Variants in AKAP6 observed in about 807,000 individuals in gnomAD.
The protein encoded by AKAP6 is A-kinase anchoring protein 6.
AKAP6 carries 58 observed loss-of-function variants against 188.5 expected under a neutral mutation model. The observed-to-expected ratio is 0.31, with a 90% CI of 0.25 to 0.38. The LOEUF (loss-of-function observed/expected upper bound fraction) is 0.38. Ranked by LOEUF, AKAP6 falls within the 10% of genes least tolerant of loss-of-function variation. AKAP6 has a pLI of 1.00. For synonymous variants in AKAP6, 989 were observed against 998.6 expected (o/e 0.99, Z 0.18); for missense variants, 2,710 against 2,740.0 (o/e 0.99, Z 0.24).
chr14:32,615,745 G>C (rs548356721), intron 7 of AKAP6, among the ~76,000 whole-genome samples: 2 of 151,736 alleles, frequency 1.3e-5, no homozygotes, highest in Admixed American at 1.3e-4. Flanking sequence ...ACAGGCGCCC[G>C]CCACCACACC....
intron 1 of AKAP6, among the ~76,000 whole-genome samples, chr14:32,343,247 G>GGAAGTATTACCTTCCTTGTCA (rs1361055414): frequency 6.6e-6 from 1 of 152,042 alleles, no homozygotes; most frequent in Non-Finnish European, 1.5e-5. Context: ...TCCTTGTCAA[G>GGAAGTATTACCTTCCTTGTCA]ACTTAGAAAC....
chr14:32,600,526 ATATT>A, intron 6 of AKAP6, 99 bp from the exon 7 acceptor site: 1 of 1,246,240 alleles, frequency 8.0e-7, no homozygotes, highest in South Asian at 1.9e-5. Context: ...TCATTTAAAA[ATATT>A]TATATTGTTT....
In AKAP6 at chr14:32,568,933, A is replaced by T. The variant is rs952246731; in HGVS notation, c.2347-8187A>T. 2.0e-5 allele frequency among the ~76,000 whole-genome samples: 3 copies of T among 152,238 alleles called. No individual in the cohort carries two copies. The highest frequency in any genetic ancestry group is 7.2e-5 in the African/African-American group (3 of 41,466). ...TGCATTCCAATCTTGTTTTGCCCTT[A>T]GAATGACTGATAATTTCTTTTTATA... On this transcript the variant is annotated intron_variant, in intron 4 of 13. Transcript: ENST00000280979. The surrounding 1 kb of genome is among the most constrained non-coding windows in gnomAD (Gnocchi z 6.2).
intron 2 of AKAP6, among the ~76,000 whole-genome samples, chr14:32,497,683 T>A (rs1224531253): frequency 6.6e-6 from 1 of 151,982 alleles, no homozygotes; most frequent in Non-Finnish European, 1.5e-5. Flanking sequence ...ATGCCCTTAG[T>A]GATTTTATAT....
chr14:32,576,696 A>T lies in AKAP6; in HGVS notation c.2347-424A>T, dbSNP rs893842549. ...TCCACAGGCTTCTGGGTGAAGAACA[A>T]CATCTTTACAGGAATGCCAATCCCT... On this transcript the variant is annotated intron_variant, in intron 4 of 13. Coordinates refer to ENST00000280979, the MANE Select transcript of AKAP6 (RefSeq NM_004274.5). Among the ~76,000 whole-genome samples, 4 of 152,136 alleles carry T rather than the reference A, an allele frequency of 2.6e-5. No individual in the cohort carries two copies. In the South Asian group the frequency reaches 8.3e-4, roughly 32 times the overall value.
chr14:32,655,401 A>T (rs1407351872), intron 7 of AKAP6, among the ~76,000 whole-genome samples: 1 of 152,164 alleles, frequency 6.6e-6, no homozygotes, highest in African/African-American at 2.4e-5. Context: ...TCTCTTAGTA[A>T]ATCTTTTTAA....
intron 12 of AKAP6, among the ~76,000 whole-genome samples, chr14:32,815,854 A>C (rs1376007350): frequency 6.6e-6 from 1 of 152,160 alleles, no homozygotes; most frequent in Non-Finnish European, 1.5e-5. Flanking sequence ...AGGCAGATAC[A>C]ATGTACTGTA....
rs935266779 is a variant in AKAP6 at position 32,539,059 on chromosome 14, T to C, written c.576+3254T>C. On this transcript the variant is annotated intron_variant, in intron 3 of 13. Transcript: ENST00000280979. ...AAGACTCTATGCATTCAAAGGTGAATAACACATGTTAGAAATGACCTTCAT... is the reference window on the plus strand; with the variant it reads ...AAGACTCTATGCATTCAAAGGTGAACAACACATGTTAGAAATGACCTTCAT... 3.3e-5 allele frequency among the ~76,000 whole-genome samples: 5 copies of C among 152,294 alleles called. No homozygotes were observed. The South Asian group carries it at 6.2e-4, about 19-fold the overall frequency.
At chr14:32,539,152 G>A (rs76099587) in intron 3 of AKAP6, among the ~76,000 whole-genome samples, 1 of 152,100 alleles carries the variant, frequency 6.6e-6, no homozygotes, top group South Asian at 2.1e-4. Context: ...CAATTTACAG[G>A]TATTATGATT....
intron 1 of AKAP6, among the ~76,000 whole-genome samples, chr14:32,371,434 AAAC>A (rs1566469522): frequency 6.6e-6 from 1 of 152,188 alleles, no homozygotes; most frequent in Non-Finnish European, 1.5e-5. Context: ...AAACAAAACA[AAAC>A]AAAACCAAAA....
chr14:32,600,897 G>A, intron 7 of AKAP6, 105 bp downstream of exon 7: 1 of 1,091,420 alleles, frequency 9.2e-7, no homozygotes, highest in East Asian at 2.7e-5. Context: ...GTTTCTACTG[G>A]GTAAACTTTA....
intron 4 of AKAP6, among the ~76,000 whole-genome samples, chr14:32,548,998 A>G (rs141415991): frequency 2.6e-4 from 40 of 152,312 alleles, no homozygotes; most frequent in African/African-American, 9.4e-4. Context: ...GTGCATATGG[A>G]TAGAATAACC....
At chr14:32,350,920 A>G (rs1887243963) in intron 1 of AKAP6, among the ~76,000 whole-genome samples, 1 of 152,188 alleles carries the variant, frequency 6.6e-6, no homozygotes, top group South Asian at 2.1e-4. Flanking sequence ...AAATAGCTTA[A>G]CAATTTGGCA....
intron 1 of AKAP6, among the ~76,000 whole-genome samples, chr14:32,426,846 TGGGGAGA>T (rs1324318297): frequency 6.6e-6 from 1 of 152,002 alleles, no homozygotes; most frequent in Non-Finnish European, 1.5e-5. Flanking sequence ...TCTGAATAAT[TGGGGAGA>T]GGGGTAGGAG....
At chr14:32,698,545 T>G (rs2139705022) in intron 9 of AKAP6, among the ~76,000 whole-genome samples, 1 of 152,228 alleles carries the variant, frequency 6.6e-6, no homozygotes, top group Non-Finnish European at 1.5e-5. Context: ...ACAATTTTTT[T>G]TTAGTTTGTG....
chr14:32,510,414 G>A (rs12893323), intron 2 of AKAP6, among the ~76,000 whole-genome samples: 20 of 112,308 alleles, frequency 1.8e-4, no homozygotes, highest in African/African-American at 6.6e-4. Flanking sequence ...GTATATATAT[G>A]TATATATATA....
At chr14:32,567,573 T>C (rs1403887781) in intron 4 of AKAP6, among the ~76,000 whole-genome samples, 2 of 152,180 alleles carry the variant, frequency 1.3e-5, no homozygotes, top group Admixed American at 1.3e-4. Context: ...TGCTGAATAA[T>C]AATTTTGTTA....
At chr14:32,607,810 G>A (rs73259179) in intron 7 of AKAP6, among the ~76,000 whole-genome samples, 1 of 152,236 alleles carries the variant, frequency 6.6e-6, no homozygotes, top group African/African-American at 2.4e-5. Flanking sequence ...GCCAGTATCC[G>A]ATCTGGTTCC....
chr14:32,441,035 A>C (rs371942602), intron 2 of AKAP6, among the ~76,000 whole-genome samples: 30 of 152,348 alleles, frequency 2.0e-4, no homozygotes, highest in African/African-American at 5.3e-4. Flanking sequence ...ACAAGGTGCC[A>C]TATTGGAAGC....
Sources: gnomAD v4.1 joint callset for allele counts (sites outside exome capture counted in the v4.1 genomes callset) on GRCh38, gnomAD v4.1.1 for gene constraint, Gnocchi (gnomAD v3.1) non-coding constraint, MANE v1.5 for transcripts, NCBI Gene and HGNC (gene_info 2026-07-23, HGNC 2026-07-21) for gene names.